Variants in STPG2 observed in about 807,000 individuals in gnomAD.
STPG2 encodes the protein sperm tail PG-rich repeat containing 2.
STPG2 carries 56 observed loss-of-function variants against 54.2 expected under a neutral mutation model. The observed-to-expected ratio is 1.03, with a 90% CI of 0.83 to 1.29. The LOEUF is 1.29. STPG2 is among the 50% of genes most tolerant of loss of function. The probability of loss-of-function intolerance (pLI) is 0.00; values close to 1 mark genes in which losing one functional copy is unlikely to be tolerated. For synonymous variants in STPG2, 200 were observed against 181.8 expected (o/e 1.10, Z -0.81); for missense variants, 596 against 544.9 (o/e 1.09, Z -0.93).
chr4:97,623,273 TTAAAC>T (rs1161257556), intron 10 of STPG2, among the ~76,000 whole-genome samples: 4 of 152,076 alleles, frequency 2.6e-5, no homozygotes, highest in African/African-American at 4.8e-5. Context: ...TGGGACCTAA[TTAAAC>T]TAAAGAGCTT....
intron 6 of STPG2, among the ~76,000 whole-genome samples, chr4:97,980,207 T>G (rs1272783889): frequency 6.6e-6 from 1 of 152,078 alleles, no homozygotes; most frequent in African/African-American, 2.4e-5. Flanking sequence ...TTTTAAAAAA[T>G]GATCCTGGAG....
intron 4 of STPG2, among the ~76,000 whole-genome samples, chr4:97,494,275 T>G (rs1730562308): frequency 6.6e-6 from 1 of 151,586 alleles, no homozygotes; most frequent in East Asian, 1.9e-4. Flanking sequence ...GCAGGTAGCA[T>G]GCTGAGAAGC....
chr4:97,859,756 G>T (rs1238551945), intron 8 of STPG2, among the ~76,000 whole-genome samples: 2 of 152,120 alleles, frequency 1.3e-5, no homozygotes, highest in Non-Finnish European at 2.9e-5. Context: ...TTATATGCCT[G>T]GCCTGCATTA....
chr4:97,647,777 G>T (rs996151314), intron 10 of STPG2, among the ~76,000 whole-genome samples: 4 of 152,082 alleles, frequency 2.6e-5, no homozygotes, highest in Non-Finnish European at 5.9e-5. Flanking sequence ...CTTTCCTTTT[G>T]GTATTTAGGT....
downstream of STPG2, among the ~76,000 whole-genome samples, chr4:97,554,743 C>T (rs570832579): frequency 9.9e-5 from 15 of 152,164 alleles, no homozygotes; most frequent in African/African-American, 3.6e-4. Context: ...AGTTATGCTA[C>T]CCAACATCTG....
intron 8 of STPG2, among the ~76,000 whole-genome samples, chr4:97,863,663 C>A (rs1729648510): frequency 6.6e-6 from 1 of 152,042 alleles, no homozygotes; most frequent in Non-Finnish European, 1.5e-5. Flanking sequence ...AATTTTAGAC[C>A]AATATCCCTG....
At chr4:97,663,897 T>C (rs1326440185) in intron 10 of STPG2, among the ~76,000 whole-genome samples, 2 of 152,202 alleles carry the variant, frequency 1.3e-5, no homozygotes, top group Non-Finnish European at 2.9e-5. Flanking sequence ...AAAAGCATTA[T>C]GTTAATACTT....
chr4:97,568,582 G>C (rs926923412), intron 10 of STPG2, among the ~76,000 whole-genome samples: 4 of 152,022 alleles, frequency 2.6e-5, no homozygotes, highest in Non-Finnish European at 5.9e-5. Context: ...TTAGCACCCA[G>C]ATCTTAATTT....
rs1734140004 is a variant in STPG2 at position 97,626,410 on chromosome 4, C to T, written c.1321-67293G>A. ...TTATTATCTCCTTTATGGAGTCTTC[C>T]TTAACTAACTCCTGTTTCCACCTAA... is the stretch of plus-strand genomic sequence containing the variant. On this transcript the variant is annotated intron_variant, in intron 10 of 10. Coordinates refer to ENST00000295268, the MANE Select transcript of STPG2 (RefSeq NM_174952.3). 2.6e-5 allele frequency among the ~76,000 whole-genome samples: 4 copies of T among 152,100 alleles called. No homozygotes were observed. In the South Asian group the frequency reaches 6.2e-4, roughly 24 times the overall value.
At chr4:97,764,255 A>C (rs1442321293) in intron 9 of STPG2, among the ~76,000 whole-genome samples, 1 of 151,978 alleles carries the variant, frequency 6.6e-6, no homozygotes, top group African/African-American at 2.4e-5. Flanking sequence ...CCTTAACCTC[A>C]AGACTAGAAC....
intron 9 of STPG2, among the ~76,000 whole-genome samples, chr4:97,795,931 T>G (rs1258063349): frequency 6.6e-6 from 1 of 152,234 alleles, no homozygotes; most frequent in Non-Finnish European, 1.5e-5. Flanking sequence ...GGTTTTGATT[T>G]GCATTTCCCT....
intron 8 of STPG2, among the ~76,000 whole-genome samples, chr4:97,897,282 C>A (rs1038300895): frequency 6.6e-6 from 1 of 151,820 alleles, no homozygotes; most frequent in Admixed American, 6.6e-5. Flanking sequence ...TATATACGTA[C>A]CCCATTTTTT....
At chr4:97,575,842 A>G (rs1039242394) in intron 10 of STPG2, among the ~76,000 whole-genome samples, 17 of 152,304 alleles carry the variant, frequency 1.1e-4, no homozygotes, top group African/African-American at 4.1e-4. Flanking sequence ...TTCACTGACA[A>G]TATGATTCTA....
intron 8 of STPG2, among the ~76,000 whole-genome samples, chr4:97,906,633 C>A (rs1731436113): frequency 6.6e-6 from 1 of 152,022 alleles, no homozygotes; most frequent in African/African-American, 2.4e-5. Context: ...TATTGGCAAA[C>A]CGAATCCAGC....
intron 5 of STPG2, among the ~76,000 whole-genome samples, chr4:98,039,320 C>A (rs184364684): frequency 1.8e-5 from 2 of 113,348 alleles, no homozygotes; most frequent in Non-Finnish European, 1.9e-5. Flanking sequence ...GTGAATAAAT[C>A]CCCCGTGGGA....
At chr4:97,928,184 G>C (rs537429755) in intron 8 of STPG2, among the ~76,000 whole-genome samples, 3 of 152,224 alleles carry the variant, frequency 2.0e-5, no homozygotes, top group Non-Finnish European at 4.4e-5. Context: ...TTCCATCTGA[G>C]AGGCCCTCCT....
intron 5 of STPG2, among the ~76,000 whole-genome samples, chr4:98,076,208 C>A (rs1162726649): frequency 6.6e-6 from 1 of 150,960 alleles, no homozygotes; most frequent in African/African-American, 2.4e-5. Context: ...CATGCCACTG[C>A]ACTCCAGCCT....
At chr4:97,920,028 T>C (rs536546485) in intron 8 of STPG2, among the ~76,000 whole-genome samples, 10 of 152,208 alleles carry the variant, frequency 6.6e-5, no homozygotes, top group Non-Finnish European at 1.3e-4. Context: ...CCATAGAATT[T>C]ACTAGGTCTA....
At chr4:98,029,499 C>A (rs941969062) in intron 5 of STPG2, among the ~76,000 whole-genome samples, 20 of 152,246 alleles carry the variant, frequency 1.3e-4, no homozygotes, top group African/African-American at 4.3e-4. Context: ...GCCACTACAG[C>A]ATTTTTATTG....
Sources: allele counts gnomAD v4.1 joint callset (sites outside exome capture counted in the v4.1 genomes callset), GRCh38; gene constraint gnomAD v4.1.1; transcripts MANE v1.5; gene names NCBI Gene and HGNC (gene_info 2026-07-23, HGNC 2026-07-21).